APBB2: variants seen among roughly 807,000 people sequenced by gnomAD.
The protein encoded by APBB2 is amyloid beta precursor protein binding family B member 2, also known as Fe65-like 1.
A neutral mutation model predicts 82.5 loss-of-function variants in APBB2; 38 were observed. The ratio of observed to expected loss-of-function variants is 0.46; its 90% CI spans 0.36 to 0.60. The LOEUF is 0.60. APBB2 is among the 20% of genes least tolerant of loss of function. The pLI is 0.00. For missense variants in APBB2, 772 were observed against 972.3 expected (o/e 0.79, Z 2.74); for synonymous variants, 341 against 368.2 (o/e 0.93, Z 0.85).
chr4:40,861,356 A>C (rs963495142), intron 12 of APBB2, among the ~76,000 whole-genome samples: 1 of 151,122 alleles, frequency 6.6e-6, no homozygotes, highest in Admixed American at 6.6e-5. Flanking sequence ...TCTCAAAAAA[A>C]AAAAATTTTT....
At chr4:41,010,931 T>C (rs1031956539) in intron 6 of APBB2, among the ~76,000 whole-genome samples, 3 of 152,156 alleles carry the variant, frequency 2.0e-5, no homozygotes, top group Admixed American at 2.0e-4. Context: ...ATCAGCAGCT[T>C]ATGGGCAATT....
At chr4:41,052,951 G>A (rs1293149280) in intron 4 of APBB2, among the ~76,000 whole-genome samples, 1 of 151,976 alleles carries the variant, frequency 6.6e-6, no homozygotes, top group Non-Finnish European at 1.5e-5. Flanking sequence ...TTTTGGTAGT[G>A]ACGGGGTTTC....
chr4:41,162,156 T>G (rs1765330362), intron 1 of APBB2, among the ~76,000 whole-genome samples: 1 of 151,922 alleles, frequency 6.6e-6, no homozygotes. Flanking sequence ...TAACAATAAT[T>G]TCTTAACATC....
At chr4:41,031,923 C>T (rs758512493) in intron 5 of APBB2, among the ~76,000 whole-genome samples, 53 of 152,128 alleles carry the variant, frequency 3.5e-4, no homozygotes, top group Non-Finnish European at 4.0e-4. Flanking sequence ...AAAATCCATA[C>T]CCTCCCCAAA....
intron 6 of APBB2, among the ~76,000 whole-genome samples, chr4:40,962,774 T>C (rs1348916319): frequency 6.6e-6 from 1 of 151,782 alleles, no homozygotes; most frequent in Non-Finnish European, 1.5e-5. Flanking sequence ...GGTTGGGGAG[T>C]ACATATCACC....
At chr4:40,954,487 T>C (rs1791053997) in intron 6 of APBB2, among the ~76,000 whole-genome samples, 1 of 152,032 alleles carries the variant, frequency 6.6e-6, no homozygotes, top group South Asian at 2.1e-4. Flanking sequence ...TGACAATAGA[T>C]GGGGAACTGC....
chr4:40,959,608 C>T (rs935765408), intron 6 of APBB2, among the ~76,000 whole-genome samples: 34 of 152,148 alleles, frequency 2.2e-4, no homozygotes, highest in African/African-American at 8.2e-4. Flanking sequence ...GGGCAATTGA[C>T]ACAGTATTCA....
At chr4:40,965,284 C>G (rs764662669) in intron 6 of APBB2, among the ~76,000 whole-genome samples, 1 of 152,162 alleles carries the variant, frequency 6.6e-6, no homozygotes, top group Non-Finnish European at 1.5e-5. Context: ...ATATAATTAA[C>G]TGCTTACAAT....
intron 6 of APBB2, among the ~76,000 whole-genome samples, chr4:41,004,554 C>T (rs1200683297): frequency 6.6e-6 from 1 of 152,038 alleles, no homozygotes; most frequent in African/African-American, 2.4e-5. Flanking sequence ...AAATGACTGG[C>T]ATGTGGCCGG....
intron 2 of APBB2, among the ~76,000 whole-genome samples, chr4:41,115,274 A>G (rs1750599349): frequency 6.6e-6 from 1 of 152,260 alleles, no homozygotes; most frequent in Admixed American, 6.5e-5. Flanking sequence ...AGCCATATGC[A>G]GAAAACTGAA....
rs953905646 is a variant in APBB2 at position 40,821,984 on chromosome 4, C to A, written c.1999G>T (p.Val667Phe). 1.9e-6 allele frequency: 3 copies of A among 1,614,136 alleles called. No homozygotes were observed. The Admixed American group carries it at 5.0e-5, about 27-fold the overall frequency. Residue 667 changes from valine to phenylalanine, a missense_variant, in exon 17 of 18, where the codon GTC becomes TTC. By Grantham distance (50) the Val-to-Phe change is conservative (BLOSUM62 -1). Transcript: ENST00000508593. ...FLSFMGVGKD[V>F]HTFAFIMDTG... ...TCCATGATGAAGGCAAATGTGTGGA[C>A]GTCCTTCCCAACACCCATGAAGGAC...
chr4:41,036,645 A>C (rs1282219619), intron 4 of APBB2, among the ~76,000 whole-genome samples: 1 of 152,222 alleles, frequency 6.6e-6, no homozygotes, highest in Non-Finnish European at 1.5e-5. Context: ...TGCAACAAAA[A>C]ACCACAGGCC....
At chr4:40,825,019 C>G (rs563929802) in intron 15 of APBB2, among the ~76,000 whole-genome samples, 5 of 152,340 alleles carry the variant, frequency 3.3e-5, no homozygotes, top group Admixed American at 6.5e-5. Context: ...CAGGCTTCAT[C>G]CACGCTACAG....
At chr4:41,157,211 C>T (rs772658343) in intron 1 of APBB2, among the ~76,000 whole-genome samples, 57 of 152,158 alleles carry the variant, frequency 3.7e-4, no homozygotes, top group Non-Finnish European at 5.0e-4. Context: ...GCTGCATTTC[C>T]CCGAGGGCTC....
chr4:41,068,122 C>T (rs1051167978), intron 3 of APBB2, among the ~76,000 whole-genome samples: 2 of 152,180 alleles, frequency 1.3e-5, no homozygotes, highest in African/African-American at 4.8e-5. Context: ...CCAGGATCCC[C>T]AGTGGATGCC....
intron 4 of APBB2, among the ~76,000 whole-genome samples, chr4:41,065,291 GA>G: frequency 6.6e-6 from 1 of 152,004 alleles, no homozygotes; most frequent in South Asian, 2.1e-4. Context: ...TCTCAAAAAA[GA>G]AAAGAAAAAT....
intron 3 of APBB2, among the ~76,000 whole-genome samples, chr4:41,077,081 T>G (rs984372291): frequency 6.6e-6 from 1 of 151,538 alleles, no homozygotes; most frequent in Non-Finnish European, 1.5e-5. Flanking sequence ...AGTAGCTCAC[T>G]GCAGCTTCGA....
rs58613884 is a variant in APBB2, at chr4:40,846,015, GGTGTGTGTGTGTGT to G, written c.1530-15452_1530-15439del. Among the ~76,000 whole-genome samples, 201 of 119,856 alleles carry G rather than the reference GGTGTGTGTGTGTGT, an allele frequency of 1.7e-3. 1 individual carries two copies. The highest frequency in any genetic ancestry group is 2.3e-3 in the Non-Finnish European group (142 of 60,592). The allele number at this position is 119,856 out of a possible 152,430, so 78.6% of individuals were successfully genotyped here. On this transcript the variant is annotated intron_variant, in intron 12 of 17. Transcript: ENST00000508593. Reference sequence around the variant, plus strand: ...TGGGTGGGTGGGTGGGTGTGAGTGGGGTGTGTGTGTGTGTGTGTGTGTGTGTGTGTGTCATTTAT... The same window carrying G: ...TGGGTGGGTGGGTGGGTGTGAGTGGGGTGTGTGTGTGTGTGTGTCATTTAT...
chr4:41,169,998 T>A (rs1017487645), intron 1 of APBB2, among the ~76,000 whole-genome samples: 1 of 152,192 alleles, frequency 6.6e-6, no homozygotes, highest in African/African-American at 2.4e-5. Context: ...TTACTCTAAA[T>A]TCAAAATCCG....
Sources: gnomAD v4.1 joint callset for allele counts (sites outside exome capture counted in the v4.1 genomes callset) on GRCh38, gnomAD v4.1.1 for gene constraint, MANE v1.5 for transcripts, NCBI Gene and HGNC (gene_info 2026-07-23, HGNC 2026-07-21) for gene names.